The following STXBP5 variants were observed in gnomAD, a reference collection of about 807,000 sequenced individuals.
STXBP5 encodes syntaxin-binding protein 5.
A neutral mutation model predicts 152.4 loss-of-function variants in STXBP5; 50 were observed. That is an observed-to-expected ratio of 0.33 (90% CI 0.26 to 0.42). STXBP5 has a LOEUF of 0.42. Among genes scored for constraint, STXBP5 ranks in the 10% least tolerant of loss-of-function variants. The pLI, the probability that STXBP5 is intolerant of heterozygous loss-of-function variation, is 1.00. For missense variants in STXBP5, 1,167 were observed against 1,388.6 expected, an observed-to-expected ratio of 0.84 and a Z score of 2.54; for synonymous variants, 492 against 494.7, an observed-to-expected ratio of 0.99 and a Z score of 0.07.
chr6:147,314,234 G>A (rs761194244), intron 12 of STXBP5, 30 bp from the exon 13 acceptor site: 37 of 1,573,646 alleles, frequency 2.4e-5, no homozygotes, highest in Non-Finnish European at 2.6e-5. Context: ...ATGCTTGCAA[G>A]TTGCTTTATA....
chr6:147,340,263 A>G (rs1042103476), intron 21 of STXBP5, among the ~76,000 whole-genome samples: 2 of 152,034 alleles, frequency 1.3e-5, no homozygotes, highest in Non-Finnish European at 2.9e-5. Context: ...ATATGCTTAA[A>G]TTTTCAAAAA....
chr6:147,240,067 T>A (rs2115207535), intron 4 of STXBP5, among the ~76,000 whole-genome samples: 1 of 152,042 alleles, frequency 6.6e-6, no homozygotes, highest in South Asian at 2.1e-4. Flanking sequence ...CTCAGCCTCC[T>A]GAGTATCTGG....
intron 16 of STXBP5, among the ~76,000 whole-genome samples, chr6:147,317,583 T>C (rs1782705658): frequency 6.6e-6 from 1 of 152,038 alleles, no homozygotes; most frequent in Non-Finnish European, 1.5e-5. Flanking sequence ...AATTACCAGC[T>C]CAAAACATCA....
At chr6:147,384,685 G>T (rs991435416) in intron 27 of STXBP5, 29 bp from the exon 28 acceptor site, 5 of 1,598,642 alleles carry the variant, frequency 3.1e-6, no homozygotes, top group Non-Finnish European at 3.4e-6. Flanking sequence ...CATTTTAAAA[G>T]CATGTTTTTC....
intron 8 of STXBP5, among the ~76,000 whole-genome samples, chr6:147,289,430 G>A (rs1781164474): frequency 6.6e-6 from 1 of 152,016 alleles, no homozygotes; most frequent in Admixed American, 6.6e-5. Flanking sequence ...CGATATTTTA[G>A]GATTTCATAT....
rs538504366 is a variant in STXBP5 at position 147,383,019 on chromosome 6, T to C, written c.3414+21T>C. 1,460 of 1,611,316 alleles carry C rather than the reference T, an allele frequency of 9.1e-4. 21 individuals carry two copies. The South Asian group carries it at 0.015, about 17-fold the overall frequency. The stretch of plus-strand genomic sequence containing the variant: ...ATGAGGTACGACTCTCAAACAGATA[T>C]TTGAACAAAAAGCTCTAGGTAAAGC... On this transcript the variant is annotated intron_variant, in intron 27 of 27. Transcript: ENST00000321680.
At chr6:147,313,359 T>G (rs1271604203) in intron 11 of STXBP5, among the ~76,000 whole-genome samples, 1 of 152,222 alleles carries the variant, frequency 6.6e-6, no homozygotes, top group Non-Finnish European at 1.5e-5. Flanking sequence ...CTTTATTTAA[T>G]AAAGTAACTT....
chr6:147,335,901 G>A, intron 19 of STXBP5, among the ~76,000 whole-genome samples: 1 of 152,166 alleles, frequency 6.6e-6, no homozygotes. Context: ...AATATATTTT[G>A]CTCTTTGGTC....
intron 8 of STXBP5, among the ~76,000 whole-genome samples, chr6:147,280,432 T>C (rs1392952435): frequency 6.6e-6 from 1 of 152,240 alleles, no homozygotes; most frequent in East Asian, 1.9e-4. Context: ...TGTCTTCTGC[T>C]AGTTCTCTCC....
intron 8 of STXBP5, among the ~76,000 whole-genome samples, chr6:147,287,982 A>T (rs116868770): frequency 0.016 from 2,363 of 151,348 alleles, 30 homozygotes; most frequent in Admixed American, 0.027. Flanking sequence ...TTTGCTCAGG[A>T]TCTCAAAGTC....
Position 147,327,204 on chromosome 6 carries a change from G to C in STXBP5, c.2008G>C (p.Glu670Gln). ...KAVLLNLGTI[E>Q]LYGSNDPYRR... ...AGTGCTGCTCAACCTGGGCACTATT[G>C]AATTATATGGCTCTAATGATCCTTA... The change falls in exon 18 of 28, where the codon GAA (glutamate) becomes CAA (glutamine). Residue 670 changes from glutamate to glutamine, a missense_variant. Physicochemically the swap from Glu to Gln is conservative, Grantham distance 29. This residue lies in a region of STXBP5 where 833 missense variants were observed against 986.3 expected (regional missense o/e 0.84). Coordinates refer to ENST00000321680, the MANE Select transcript of STXBP5 (RefSeq NM_001127715.4). The C allele has an allele frequency of 6.2e-7, 1 of 1,614,008 alleles. No individual in the cohort carries two copies.
At chr6:147,362,004 A>T (rs1170867526) in intron 23 of STXBP5, among the ~76,000 whole-genome samples, 1 of 152,208 alleles carries the variant, frequency 6.6e-6, no homozygotes, top group African/African-American at 2.4e-5. Flanking sequence ...GATTTAGTAA[A>T]TAAAAATATA....
Position 147,315,638 on chromosome 6 carries a change from G to C in STXBP5, c.1526G>C (p.Trp509Ser). The C allele has an allele frequency of 1.2e-6, 2 of 1,613,830 alleles. No homozygotes were observed. Among genetic ancestry groups the C allele is most frequent in the Non-Finnish European group, 1.7e-6 (2 of 1,179,878 alleles). Residue 509 changes from tryptophan to serine, a missense_variant, in exon 15 of 28, where the codon TGG becomes TCG. Transcript: ENST00000321680. ...EDPYAIQIIS[W>S]CPESRMLCIA... ...CCATATGCCATTCAGATCATCTCCT[G>C]GTGTCCAGAAAGTAGAATGCTGTGC... is the stretch of plus-strand genomic sequence containing the variant.
chr6:147,325,059 C>A lies in STXBP5; in HGVS notation c.1903C>A (p.Leu635Met). The A allele has an allele frequency of 6.4e-7, 1 of 1,571,722 alleles. No individual in the cohort carries two copies. The highest frequency in any genetic ancestry group is 8.7e-7 in the Non-Finnish European group (1 of 1,155,860). ...GGEPPQQITS[L>M]AVNSSYGLVV... is the part of the protein sequence containing the mutation. Reference sequence around the variant, plus strand: ...AGAACCACCACAACAAATAACCAGCCTGGCAGTCAATTCTTCCTATGGACT... The same window carrying A: ...AGAACCACCACAACAAATAACCAGCATGGCAGTCAATTCTTCCTATGGACT... Residue 635 changes from leucine to methionine, a missense_variant, in exon 17 of 28, where the codon CTG becomes ATG. By Grantham distance (15) the Leu-to-Met change is conservative. This residue lies in a region of STXBP5 where 833 missense variants were observed against 986.3 expected (regional missense o/e 0.84). Transcript: ENST00000321680.
chr6:147,317,182 A>G (rs1166530982), intron 16 of STXBP5, among the ~76,000 whole-genome samples: 2 of 152,206 alleles, frequency 1.3e-5, no homozygotes, highest in African/African-American at 2.4e-5. Flanking sequence ...AGTAAGAGAA[A>G]TAATTTGCAT....
At chr6:147,216,787 G>A (rs575750419) in intron 2 of STXBP5, among the ~76,000 whole-genome samples, 18 of 152,034 alleles carry the variant, frequency 1.2e-4, no homozygotes, top group Admixed American at 2.0e-4. Context: ...ACCCAGAAAG[G>A]TTTTTAAATA....
At chr6:147,211,743 C>T (rs974095253) in intron 2 of STXBP5, among the ~76,000 whole-genome samples, 7 of 152,100 alleles carry the variant, frequency 4.6e-5, no homozygotes, top group Non-Finnish European at 8.8e-5. Flanking sequence ...TGTGCCACCA[C>T]TATTTTGTTT....
chr6:147,241,688 A>G (rs1233909325), intron 4 of STXBP5, among the ~76,000 whole-genome samples: 1 of 151,986 alleles, frequency 6.6e-6, no homozygotes. Context: ...ACATCATAGC[A>G]TCTTATAGAT....
Position 147,314,278 on chromosome 6 carries a change from C to T in STXBP5, c.1308C>T (p.Asn436=), listed in dbSNP as rs767868411. The T allele has an allele frequency of 1.4e-5, 22 of 1,611,416 alleles. No individual in the cohort carries two copies. Among genetic ancestry groups the T allele is most frequent in the Middle Eastern group, 1.6e-4 (1 of 6,078 alleles). Residue 436 remains asparagine, a synonymous_variant, in exon 13 of 28, where the codon AAC becomes AAT. Coordinates refer to ENST00000321680, the MANE Select transcript of STXBP5 (RefSeq NM_001127715.4). ...QGYSKKEWPI[N]GGNWGLGAQS... is the part of the protein sequence containing the mutation. ...TTTTTTTATAGGAATGGCCCATCAA[C>T]GGAGGTAATTGGGGCTTGGGTGCTC...
Sources: allele counts gnomAD v4.1 joint callset (sites outside exome capture counted in the v4.1 genomes callset), GRCh38; gene constraint gnomAD v4.1.1; regional missense constraint gnomAD v4.1.1; transcripts MANE v1.5; gene names NCBI Gene and HGNC (gene_info 2026-07-23, HGNC 2026-07-21).